Variants in ZFP64 observed in about 807,000 individuals in gnomAD.
The protein encoded by ZFP64 is zinc finger protein 64.
A neutral mutation model predicts 51.6 loss-of-function variants in ZFP64; 14 were observed. The observed-to-expected ratio is 0.27, with a 90% CI of 0.18 to 0.42. ZFP64 has a LOEUF of 0.42. ZFP64 is among the 10% of genes least tolerant of loss of function. The pLI is 1.00. For synonymous variants in ZFP64, 375 were observed against 361.4 expected (o/e 1.04, Z -0.43); for missense variants, 754 against 906.8 (o/e 0.83, Z 2.16).
At position 52,164,716 on chromosome 20, in the gene ZFP64, G is replaced by A. The variant is rs767571819; in HGVS notation, c.490C>T (p.Arg164Trp). ...KTAYGMKDME[R>W]HLKIHTGDKP... ...TTACCCGTGTGAATTTTTAAATGCC[G>A]CTCCATGTCCTTCATGCCATAAGCA... Residue 164 changes from arginine to tryptophan, a missense_variant, in exon 4 of 6, where the codon CGG (arginine) becomes TGG (tryptophan). By Grantham distance (101) the Arg-to-Trp change is moderately radical (BLOSUM62 -3). Coordinates refer to ENST00000216923, the MANE Select transcript of ZFP64 (RefSeq NM_018197.3). The A allele has an allele frequency of 5.6e-6, 9 of 1,613,448 alleles. No individual in the cohort carries two copies. The highest frequency in any genetic ancestry group is 1.7e-5 in the Admixed American group (1 of 59,938).
chr20:52,171,131 C>T lies in ZFP64; in HGVS notation c.287-5106G>A, dbSNP rs147659106. Among the ~76,000 whole-genome samples the T allele has an allele frequency of 4.5e-3, 678 of 152,304 alleles. 10 individuals carry two copies. The highest frequency in any genetic ancestry group is 0.015 in the African/African-American group (639 of 41,562). On this transcript the variant is annotated intron_variant, in intron 2 of 5. Coordinates refer to ENST00000216923, the MANE Select transcript of ZFP64 (RefSeq NM_018197.3). ...TGCTGAAGACTCTCATCCAGATGGT[C>T]GGCTTGCTGGCGCCTCCTAGCTGGA...
rs1195924111 is a variant in ZFP64 at position 52,187,002 on chromosome 20, T to G, written c.116A>C (p.Gln39Pro). 1 of 1,614,020 alleles carries G rather than the reference T, an allele frequency of 6.2e-7. No homozygotes were observed. Among genetic ancestry groups the G allele is most frequent in the East Asian group, 2.2e-5 (1 of 44,884 alleles). The change falls in exon 2 of 6, where the codon CAG becomes CCG. Residue 39 changes from glutamine (Q) to proline (P), a missense_variant. Coordinates refer to ENST00000216923, the MANE Select transcript of ZFP64 (RefSeq NM_018197.3). ...TACAAAGGCATCCAGGTTGTTAAAC[T>G]GCTGCTTGCAGATGCCGCAGATATG... ...DIHICGICKQQFNNLDAFVAH... is the reference protein window; with the variant it reads ...DIHICGICKQPFNNLDAFVAH...
intron 7 of ZFP64, among the ~76,000 whole-genome samples, chr20:52,090,927 CAAAAAAA>C (rs797006213): frequency 7.2e-4 from 49 of 68,082 alleles, no homozygotes; most frequent in African/African-American, 1.9e-3. Flanking sequence ...CTGACTCTAC[CAAAAAAA>C]AAAAAAAAAA....
In ZFP64 at chr20:52,140,188, C is replaced by T. The variant is rs530519409; in HGVS notation, c.763+19935G>A. Reference sequence around the variant, plus strand: ...TTGAGCTTCCCTATTCCCTGAGACCCAACAATGTTGAAATTAGGCCAATTA... The same window carrying T: ...TTGAGCTTCCCTATTCCCTGAGACCTAACAATGTTGAAATTAGGCCAATTA... On this transcript the variant is annotated intron_variant, in intron 5 of 8. Transcript: ENST00000361387. Among the ~76,000 whole-genome samples the T allele has an allele frequency of 1.9e-3, 282 of 152,200 alleles. 3 individuals are homozygous for T. The highest frequency in any genetic ancestry group is 2.9e-3 in the Non-Finnish European group (195 of 68,002).
rs184774433 is a variant in ZFP64, at chr20:52,168,720, T to C, written c.287-2695A>G. Among the ~76,000 whole-genome samples, 7 of 152,332 alleles carry C rather than the reference T, an allele frequency of 4.6e-5. No homozygotes were observed. In the East Asian group the frequency reaches 1.4e-3, roughly 29 times the overall value. ...GCAGTCACTCCTCCAACACTGAAGA[T>C]TTGCTTCATTAATATCAGATTTACC... On this transcript the variant is annotated intron_variant, in intron 2 of 5. Coordinates refer to ENST00000216923, the MANE Select transcript of ZFP64 (RefSeq NM_018197.3).
At chr20:52,143,588 C>T (rs1309297199) in intron 5 of ZFP64, among the ~76,000 whole-genome samples, 2 of 140,912 alleles carry the variant, frequency 1.4e-5, no homozygotes, top group South Asian at 2.4e-4. Context: ...GGCTAGAGTG[C>T]GGTGGCACAT....
chr20:52,085,355 A>G lies in ZFP64; in HGVS notation c.1229-89T>C. On this transcript the variant is annotated intron_variant, in intron 8 of 8. Transcript: ENST00000361387. This position sits in a 1 kb window ranked among gnomAD's most constrained non-coding sequence, Gnocchi z 4.3. ...TGCCTTAGCACACTTGGCCGCCATG[A>G]GATGGTTGGGTTTTGTGAACTCTAA... is the stretch of plus-strand genomic sequence containing the variant. 1.4e-6 allele frequency: 2 copies of G among 1,394,446 alleles called. No individual in the cohort carries two copies. Among genetic ancestry groups the G allele is most frequent in the South Asian group, 2.9e-5 (2 of 69,458 alleles). 86.4% of individuals were successfully genotyped at this position (1,394,446 alleles called of 1,614,324 possible).
At chr20:52,170,438 G>A (rs988309647) in intron 2 of ZFP64, among the ~76,000 whole-genome samples, 1 of 152,060 alleles carries the variant, frequency 6.6e-6, no homozygotes, top group Non-Finnish European at 1.5e-5. Context: ...GGTGACAGAG[G>A]GAGACTCCAT....
At chr20:52,099,571 C>T (rs1292316593) in intron 5 of ZFP64, among the ~76,000 whole-genome samples, 1 of 152,206 alleles carries the variant, frequency 6.6e-6, no homozygotes, top group Non-Finnish European at 1.5e-5. Context: ...GAAGTGTGCT[C>T]ACTCACTGCA....
intron 4 of ZFP64, among the ~76,000 whole-genome samples, chr20:52,162,429 A>G (rs931946541): frequency 1.3e-5 from 2 of 152,026 alleles, no homozygotes; most frequent in Admixed American, 6.6e-5. Context: ...GATCAAGACC[A>G]TCGTGGCTAA....
intron 5 of ZFP64, among the ~76,000 whole-genome samples, chr20:52,131,506 T>G (rs1183522509): frequency 1.3e-5 from 2 of 152,002 alleles, no homozygotes; most frequent in Non-Finnish European, 2.9e-5. Context: ...ACACATAGGC[T>G]AAAAATAAAG....
intron 5 of ZFP64, among the ~76,000 whole-genome samples, chr20:52,116,236 A>T (rs1978864188): frequency 6.6e-6 from 1 of 151,250 alleles, no homozygotes; most frequent in Non-Finnish European, 1.5e-5. Context: ...CCCAGGTTCC[A>T]GCGATTCTCC....
In ZFP64 at chr20:52,160,844, C is replaced by T. The variant is rs991508315; in HGVS notation, c.512-470G>A. ...GCTAGCTGTGATCTGTGACTAAGTT[C>T]CTATCAAAGCGATGGCAGAGAAAGT... On this transcript the variant is annotated intron_variant, in intron 4 of 5. Transcript: ENST00000216923. The surrounding 1 kb of genome is among the most constrained non-coding windows in gnomAD (Gnocchi z 4.2). Among the ~76,000 whole-genome samples the T allele has an allele frequency of 2.6e-5, 4 of 152,168 alleles. No homozygotes were observed. Among genetic ancestry groups the T allele is most frequent in the African/African-American group, 7.2e-5 (3 of 41,442 alleles).
chr20:52,158,685 AAC>A (rs1261276751), intron 5 of ZFP64, among the ~76,000 whole-genome samples: 3 of 152,128 alleles, frequency 2.0e-5, no homozygotes, highest in Non-Finnish European at 2.9e-5. Flanking sequence ...CAGCCTGGGC[AAC>A]AGAGTGAGAC....
chr20:52,111,530 T>A (rs905242696), intron 5 of ZFP64, among the ~76,000 whole-genome samples: 1 of 151,952 alleles, frequency 6.6e-6, no homozygotes, highest in African/African-American at 2.4e-5. Flanking sequence ...TTTTTTTTTT[T>A]AATAGTTGTT....
chr20:52,144,355 A>G (rs13045200), intron 5 of ZFP64, among the ~76,000 whole-genome samples: 61,670 of 128,938 alleles, frequency 0.48, 19,001 homozygotes, highest in Non-Finnish European at 0.56. Flanking sequence ...CAAGGCGGGC[A>G]GATCACGAGG....
At position 52,104,966 on chromosome 20, in the gene ZFP64, C is replaced by T. The variant is rs1600711097; in HGVS notation, c.764-6379G>A. ...GTGGACTCCAGGAGAGTGTAATTTA[C>T]AAAGGCGGGGGGCGGGGACGCCCAG... On this transcript the variant is annotated intron_variant, in intron 5 of 8. Transcript: ENST00000361387. The T allele has an allele frequency of 5.0e-6, 4 of 804,480 alleles. No homozygotes were observed. In the East Asian group the frequency reaches 1.1e-4, roughly 22 times the overall value. 49.8% of individuals were successfully genotyped at this position (804,480 alleles called of 1,614,324 possible). A position where few individuals can be genotyped will look rare whatever the true frequency, so the allele number is the denominator to read the frequency against.
chr20:52,142,377 G>GACACACACACAGACAC (rs1555804616), intron 5 of ZFP64, among the ~76,000 whole-genome samples: 3 of 118,370 alleles, frequency 2.5e-5, no homozygotes, highest in African/African-American at 9.9e-5. Context: ...CACACACACA[G>GACACACACACAGACAC]ACACACACAC....
chr20:52,162,882 ACT>A (rs1018961939), intron 4 of ZFP64, among the ~76,000 whole-genome samples: 16 of 152,082 alleles, frequency 1.1e-4, no homozygotes, highest in African/African-American at 3.4e-4. Flanking sequence ...GCATACCCCC[ACT>A]CTCTGAAGGT....
Sources: gnomAD v4.1 joint callset for allele counts (sites outside exome capture counted in the v4.1 genomes callset) on GRCh38, gnomAD v4.1.1 for gene constraint, Gnocchi (gnomAD v3.1) non-coding constraint, MANE v1.5 for transcripts, NCBI Gene and HGNC (gene_info 2026-07-23, HGNC 2026-07-21) for gene names.